The following SEMA6A variants were observed in gnomAD, a reference collection of about 807,000 sequenced individuals.
The protein encoded by SEMA6A is semaphorin-6A.
In SEMA6A, 25 loss-of-function variants were observed where a neutral mutation model predicts 96.8. The ratio of observed to expected loss-of-function variants is 0.26; its 90% confidence interval spans 0.19 to 0.36. SEMA6A has a LOEUF of 0.36. SEMA6A is among the 10% of genes least tolerant of loss of function. SEMA6A has a pLI of 1.00. For synonymous variants in SEMA6A, 612 were observed against 518.0 expected (o/e 1.18, Z -2.46); for missense variants, 1,363 against 1,323.1 (o/e 1.03, Z -0.47).
chr5:116,464,961 T>A (rs1204231083), intron 18 of SEMA6A, among the ~76,000 whole-genome samples: 2 of 152,122 alleles, frequency 1.3e-5, no homozygotes, highest in Non-Finnish European at 2.9e-5. Flanking sequence ...GCGGGCACAT[T>A]TTCTGCTTAG....
chr5:116,525,817 A>G (rs981475434), intron 1 of SEMA6A, among the ~76,000 whole-genome samples: 1 of 152,216 alleles, frequency 6.6e-6, no homozygotes, highest in Non-Finnish European at 1.5e-5. Flanking sequence ...CAAACACCTC[A>G]AAGGGAGGGG....
At chr5:116,500,056 G>C (rs1240763826) in intron 3 of SEMA6A, among the ~76,000 whole-genome samples, 2 of 152,126 alleles carry the variant, frequency 1.3e-5, no homozygotes, top group Non-Finnish European at 2.9e-5. Flanking sequence ...TTAGATAATT[G>C]AGTATGTCAT....
chr5:116,477,676 G>C (rs189113229), intron 15 of SEMA6A, among the ~76,000 whole-genome samples, 170 bp downstream of exon 15: 1 of 152,236 alleles, frequency 6.6e-6, no homozygotes, highest in Non-Finnish European at 1.5e-5. Flanking sequence ...CACATGTGAT[G>C]TGGTGAGGCT....
At chr5:116,491,927 T>A (rs1757348401) in intron 6 of SEMA6A, 97 bp from the exon 7 acceptor site, 1 of 965,112 alleles carries the variant, frequency 1.0e-6, no homozygotes, top group Admixed American at 1.9e-5. Flanking sequence ...CCTTTTGTAA[T>A]CTGTAATCAC....
At chr5:116,562,991 G>A (rs1409427469) in intron 1 of SEMA6A, 4 of 557,178 alleles carry the variant, frequency 7.2e-6, no homozygotes, top group Non-Finnish European at 1.4e-5. Flanking sequence ...AGGAAGGGGG[G>A]TCGCCGTGGT....
Position 116,551,769 on chromosome 5 carries a change from C to T in SEMA6A, c.-39+22416G>A, listed in dbSNP as rs556977548. ...CAGATATAATAGGTATCTCAGAGGT[C>T]GTAATCACAACAAGCTTTCTCTTTC... On this transcript the variant is annotated intron_variant, in intron 1 of 18. Transcript: ENST00000343348. Among the ~76,000 whole-genome samples, 6 of 152,288 alleles carry T rather than the reference C, an allele frequency of 3.9e-5. No individual in the cohort carries two copies. The South Asian group carries it at 6.2e-4, about 16-fold the overall frequency.
intron 15 of SEMA6A, among the ~76,000 whole-genome samples, chr5:116,477,144 AT>A (rs1756496282): frequency 6.6e-6 from 1 of 152,244 alleles, no homozygotes; most frequent in South Asian, 2.1e-4. Context: ...TAAACATTGA[AT>A]ACTTCTGCAA....
At chr5:116,546,245 C>A (rs540225507) in intron 1 of SEMA6A, among the ~76,000 whole-genome samples, 3 of 152,332 alleles carry the variant, frequency 2.0e-5, no homozygotes, top group South Asian at 4.1e-4. Flanking sequence ...GACACAGAGT[C>A]ACAAGCTCAG....
At chr5:116,454,731 T>C (rs757757156) in intron 18 of SEMA6A, among the ~76,000 whole-genome samples, 50 of 152,138 alleles carry the variant, frequency 3.3e-4, no homozygotes, top group Non-Finnish European at 7.4e-5. Flanking sequence ...TAAACTGACA[T>C]GCCAGCAGCC....
At chr5:116,498,184 C>G (rs1457461121) in intron 3 of SEMA6A, among the ~76,000 whole-genome samples, 3 of 152,110 alleles carry the variant, frequency 2.0e-5, no homozygotes, top group Non-Finnish European at 2.9e-5. Flanking sequence ...AAGAACTACA[C>G]TCAACAGAGG....
rs886393761 is a variant in SEMA6A at position 116,502,241 on chromosome 5, T to A, written c.187A>T (p.Ile63Phe). Residue 63 changes from isoleucine to phenylalanine, a missense_variant, in exon 3 of 19, where the codon ATC (isoleucine) becomes TTC (phenylalanine). Ile to Phe is a conservative substitution (Grantham distance 21). Around this residue, in one of 2 missense-constraint regions of SEMA6A, gnomAD observed 480 missense variants for 559.5 expected, o/e 0.86. Coordinates refer to ENST00000343348, the MANE Select transcript of SEMA6A (RefSeq NM_020796.5). ...RHRLDIQMIMIMNGTLYIAAR... is the reference protein window; with the variant it reads ...RHRLDIQMIMFMNGTLYIAAR... ...GCAATGTAGAGGGTTCCGTTCATGATCATAATCATCTGGATGTCCAGCCTG... is the reference window on the plus strand; with the variant it reads ...GCAATGTAGAGGGTTCCGTTCATGAACATAATCATCTGGATGTCCAGCCTG... 1.9e-6 allele frequency: 3 copies of A among 1,613,948 alleles called. No individual in the cohort carries two copies. The highest frequency in any genetic ancestry group is 2.5e-6 in the Non-Finnish European group (3 of 1,179,862).
In SEMA6A at chr5:116,445,217, G is replaced by A. The variant is rs970614240; in HGVS notation, c.*1396C>T. The A allele has an allele frequency of 6.6e-6, 1 of 152,660 alleles. No individual in the cohort carries two copies. The highest frequency in any genetic ancestry group is 2.4e-5 in the African/African-American group (1 of 41,428). The allele number at this position is 152,660 out of a possible 1,614,324, so 9.5% of individuals were successfully genotyped here. On this transcript the variant is annotated 3_prime_UTR_variant, in exon 19 of 19. Transcript: ENST00000343348. ...GAAGTGGGGCAGAGGGTGGGGAAGG[G>A]AGGGTTAAATAAATATCTGCACTTA...
At chr5:116,481,629 C>G (rs532817764) in intron 11 of SEMA6A, among the ~76,000 whole-genome samples, 14 of 152,282 alleles carry the variant, frequency 9.2e-5, no homozygotes, top group African/African-American at 3.1e-4. Flanking sequence ...AGGCACACAA[C>G]TCCTGGGGAA....
intron 16 of SEMA6A, 150 bp downstream of exon 16, chr5:116,475,395 T>A: frequency 1.9e-6 from 1 of 518,330 alleles, no homozygotes; most frequent in Non-Finnish European, 3.4e-6. Flanking sequence ...CGCACTGCTT[T>A]CTTTGTTTGG....
At chr5:116,507,336 C>T (rs1216369525) in intron 1 of SEMA6A, among the ~76,000 whole-genome samples, 1 of 152,116 alleles carries the variant, frequency 6.6e-6, no homozygotes, top group South Asian at 2.1e-4. Context: ...CAATTTTGGG[C>T]CCTAACCCTT....
intron 3 of SEMA6A, among the ~76,000 whole-genome samples, chr5:116,500,895 A>T (rs971086245): frequency 2.0e-5 from 3 of 152,088 alleles, no homozygotes; most frequent in African/African-American, 7.2e-5. Context: ...AGTCCCAGCT[A>T]CTCAGGAGGC....
At chr5:116,447,886 TGTTA>T in intron 18 of SEMA6A, 75 bp from the exon 19 acceptor site, 3 of 1,212,628 alleles carry the variant, frequency 2.5e-6, no homozygotes, top group East Asian at 2.6e-5. Context: ...GCATTCACCT[TGTTA>T]ATTAATAACA....
At position 116,445,579 on chromosome 5, in the gene SEMA6A, T is replaced by C. The variant is rs922427495; in HGVS notation, c.*1034A>G. ...CTTTCTCTCCTGATTGCTTTAGAAA[T>C]TAGGATCTGGAAGGACTTTAACATG... On this transcript the variant is annotated 3_prime_UTR_variant, in exon 19 of 19. Coordinates refer to ENST00000343348, the MANE Select transcript of SEMA6A (RefSeq NM_020796.5). 2.2e-4 allele frequency: 33 copies of C among 152,498 alleles called. No homozygotes were observed. The highest frequency in any genetic ancestry group is 2.0e-3 in the Admixed American group (31 of 15,286). The allele number at this position is 152,498 out of a possible 1,614,324, so 9.4% of individuals were successfully genotyped here.
intron 1 of SEMA6A, chr5:116,536,252 G>A (rs1246358120): frequency 1.3e-5 from 2 of 151,868 alleles, no homozygotes; most frequent in Non-Finnish European, 2.9e-5. Flanking sequence ...AAGAGTGATT[G>A]GAATTTAATT....
Sources: gnomAD v4.1 joint callset for allele counts (sites outside exome capture counted in the v4.1 genomes callset) on GRCh38, gnomAD v4.1.1 for gene constraint, gnomAD v4.1.1 regional missense constraint, MANE v1.5 for transcripts, NCBI Gene and HGNC (gene_info 2026-07-23, HGNC 2026-07-21) for gene names.